The following TEAD1 variants were observed in gnomAD, a reference collection of about 807,000 sequenced individuals.
The protein encoded by TEAD1 is transcriptional enhancer factor TEF-1.
In TEAD1, 9 loss-of-function variants were observed where a neutral mutation model predicts 54.9. The ratio of observed to expected loss-of-function variants is 0.16; its 90% CI spans 0.10 to 0.29. The LOEUF (loss-of-function observed/expected upper bound fraction) is 0.29, where lower values mean the gene tolerates loss of function less well. Ranked by LOEUF, TEAD1 falls within the 10% of genes least tolerant of loss-of-function variation. The pLI, the probability that TEAD1 is intolerant of heterozygous loss-of-function variation, is 1.00. For synonymous variants in TEAD1, 200 were observed against 187.8 expected, an observed-to-expected ratio of 1.07 and a Z score of -0.53; for missense variants, 387 against 535.9, an observed-to-expected ratio of 0.72 and a Z score of 2.74.
Position 12,830,111 on chromosome 11 carries a change from G to A in TEAD1, c.203-32139G>A, listed in dbSNP as rs1214343033. 3.3e-5 allele frequency among the ~76,000 whole-genome samples: 5 copies of A among 152,158 alleles called. No homozygotes were observed. The East Asian group carries it at 9.6e-4, about 29-fold the overall frequency. ...GCTGTGGGAAAGCCCCCGAGCCATT[G>A]GGAAATAGAGGAGCTTAGCCTTGCT... On this transcript the variant is annotated intron_variant, in intron 3 of 12. Coordinates refer to ENST00000527636, the MANE Select transcript of TEAD1 (RefSeq NM_021961.6).
At chr11:12,887,187 C>T (rs1163860749) in intron 9 of TEAD1, among the ~76,000 whole-genome samples, 1 of 151,120 alleles carries the variant, frequency 6.6e-6, no homozygotes, top group Non-Finnish European at 1.5e-5. Context: ...AGCTCCGCCT[C>T]CCAGGTTCAC....
intron 10 of TEAD1, among the ~76,000 whole-genome samples, chr11:12,914,129 A>G (rs1948667388): frequency 6.6e-6 from 1 of 152,198 alleles, no homozygotes; most frequent in African/African-American, 2.4e-5. Context: ...TATTAATTGA[A>G]TTTTTGAAAA....
rs185451582 is a variant in TEAD1 at position 12,819,510 on chromosome 11, C to T, written c.203-42740C>T. ...TGTCACCCAGGCTGGAGTGTAGTGG[C>T]GCGATCTCGGCTCACTGCAAGCTCC... On this transcript the variant is annotated intron_variant, in intron 3 of 12. Transcript: ENST00000527636. Among the ~76,000 whole-genome samples, 9 of 152,126 alleles carry T rather than the reference C, an allele frequency of 5.9e-5. No individual in the cohort carries two copies. In the East Asian group the frequency reaches 1.4e-3, roughly 23 times the overall value.
At chr11:12,737,920 G>A (rs547532427) in intron 2 of TEAD1, among the ~76,000 whole-genome samples, 53 of 152,180 alleles carry the variant, frequency 3.5e-4, no homozygotes, top group Non-Finnish European at 6.0e-4. Flanking sequence ...TGTGGTTGGG[G>A]AAGCCTCACA....
chr11:12,823,048 C>T (rs991946572), intron 3 of TEAD1, among the ~76,000 whole-genome samples: 6 of 152,128 alleles, frequency 3.9e-5, no homozygotes, highest in African/African-American at 1.4e-4. Flanking sequence ...TTACATATGT[C>T]AATTTTTACT....
intron 3 of TEAD1, among the ~76,000 whole-genome samples, chr11:12,787,872 TGAG>T (rs1018647667): frequency 6.6e-6 from 1 of 152,180 alleles, no homozygotes; most frequent in Non-Finnish European, 1.5e-5. Flanking sequence ...GTTTTGATGA[TGAG>T]AGCTATAATT....
At chr11:12,928,498 G>A (rs887709647) in intron 11 of TEAD1, among the ~76,000 whole-genome samples, 1 of 151,868 alleles carries the variant, frequency 6.6e-6, no homozygotes, top group African/African-American at 2.4e-5. Context: ...TGAAACTCCT[G>A]GGCTCAAGCG....
intron 11 of TEAD1, among the ~76,000 whole-genome samples, chr11:12,927,868 A>T (rs1349255906): frequency 6.6e-6 from 1 of 152,154 alleles, no homozygotes; most frequent in African/African-American, 2.4e-5. Flanking sequence ...GCAAATTCTC[A>T]TACTTAACTT....
chr11:12,729,055 C>T (rs1395681234), intron 2 of TEAD1, among the ~76,000 whole-genome samples: 1 of 151,672 alleles, frequency 6.6e-6, no homozygotes, highest in African/African-American at 2.4e-5. Flanking sequence ...ATGAGTGATT[C>T]TCTCTAATAT....
At chr11:12,805,859 AGATTGAT>A (rs1372252379) in intron 3 of TEAD1, among the ~76,000 whole-genome samples, 1 of 152,174 alleles carries the variant, frequency 6.6e-6, no homozygotes, top group Non-Finnish European at 1.5e-5. Flanking sequence ...TTGCTTCTCT[AGATTGAT>A]TAGGTGGTTT....
In TEAD1 at chr11:12,743,988, C is replaced by T. The variant is rs529667268; in HGVS notation, c.-54-20191C>T. Among the ~76,000 whole-genome samples, 188 of 152,316 alleles carry T rather than the reference C, an allele frequency of 1.2e-3. 1 individual carries two copies. The highest frequency in any genetic ancestry group is 4.3e-3 in the African/African-American group (178 of 41,574). ...TTTTAAACAACCAGTATAGTTGTACCAGTCGGGTACTGGAGGTGGTGTGGG... is the reference window on the plus strand; with the variant it reads ...TTTTAAACAACCAGTATAGTTGTACTAGTCGGGTACTGGAGGTGGTGTGGG... On this transcript the variant is annotated intron_variant, in intron 2 of 12. Coordinates refer to ENST00000527636, the MANE Select transcript of TEAD1 (RefSeq NM_021961.6).
At chr11:12,883,729 AGTGGCCAGGCATG>A (rs1335475437) in intron 9 of TEAD1, among the ~76,000 whole-genome samples, 1 of 152,142 alleles carries the variant, frequency 6.6e-6, no homozygotes, top group Non-Finnish European at 1.5e-5. Context: ...CTTAAGAAGA[AGTGGCCAGGCATG>A]GTGGCTCACG....
At chr11:12,833,014 C>T (rs978186388) in intron 3 of TEAD1, among the ~76,000 whole-genome samples, 4 of 152,358 alleles carry the variant, frequency 2.6e-5, no homozygotes, top group South Asian at 4.1e-4. Context: ...TCATTTGATA[C>T]TGCTCTCCTT....
chr11:12,925,192 A>C, intron 11 of TEAD1, 140 bp downstream of exon 11: 1 of 963,998 alleles, frequency 1.0e-6, no homozygotes, highest in Non-Finnish European at 1.6e-6. Context: ...CACTGCTATG[A>C]AGAACTACCT....
rs189536615 is a variant in TEAD1, at chr11:12,939,183, C to T, written c.*1961C>T. 5.9e-5 allele frequency: 9 copies of T among 152,450 alleles called. No individual in the cohort carries two copies. The highest frequency in any genetic ancestry group is 2.0e-4 in the Admixed American group (3 of 15,308). 9.4% of individuals were successfully genotyped at this position (152,450 alleles called of 1,614,324 possible). The stretch of plus-strand genomic sequence containing the variant: ...TAGAAACCAGTTGGACAGTGCTCCT[C>T]TGCCCTTCATAAACAGACTACTGTT... On this transcript the variant is annotated 3_prime_UTR_variant, in exon 13 of 13. Coordinates refer to ENST00000527636, the MANE Select transcript of TEAD1 (RefSeq NM_021961.6).
At chr11:12,755,790 T>C (rs756282749) in intron 2 of TEAD1, among the ~76,000 whole-genome samples, 25 of 152,170 alleles carry the variant, frequency 1.6e-4, no homozygotes, top group Non-Finnish European at 3.1e-4. Context: ...TTTGGAATGG[T>C]CAGATAGGAT....
At chr11:12,831,491 T>C (rs1198032732) in intron 3 of TEAD1, among the ~76,000 whole-genome samples, 1 of 152,242 alleles carries the variant, frequency 6.6e-6, no homozygotes, top group Non-Finnish European at 1.5e-5. Context: ...AAATTATTGT[T>C]TGAAATGGTT....
At chr11:12,710,762 C>T (rs1349647910) in intron 2 of TEAD1, among the ~76,000 whole-genome samples, 2 of 151,952 alleles carry the variant, frequency 1.3e-5, no homozygotes, top group East Asian at 1.9e-4. Flanking sequence ...AGAGCGTGAC[C>T]GGTGTGAAGA....
At chr11:12,731,670 T>C (rs575857590) in intron 2 of TEAD1, among the ~76,000 whole-genome samples, 6 of 152,226 alleles carry the variant, frequency 3.9e-5, no homozygotes, top group Non-Finnish European at 7.3e-5. Flanking sequence ...AATATCCTCA[T>C]AGGTTAATTT....
Sources: gnomAD v4.1 joint callset for allele counts (sites outside exome capture counted in the v4.1 genomes callset) on GRCh38, gnomAD v4.1.1 for gene constraint, MANE v1.5 for transcripts, NCBI Gene and HGNC (gene_info 2026-07-23, HGNC 2026-07-21) for gene names.